The following RSRC1 variants were observed in gnomAD, a reference collection of about 807,000 sequenced individuals.
RSRC1 encodes the protein arginine and serine rich coiled-coil 1, also known as serine/Arginine-related protein 53.
Under a neutral mutation model 49.1 loss-of-function variants are expected in RSRC1, and 39 were observed. The ratio of observed to expected loss-of-function variants is 0.79; its 90% confidence interval spans 0.61 to 1.04. The LOEUF is 1.04. Ranked by LOEUF, RSRC1 falls within the 50% of genes least tolerant of loss-of-function variation. The probability of loss-of-function intolerance (pLI) is 0.00; values close to 1 mark genes in which losing one functional copy is unlikely to be tolerated. For synonymous variants in RSRC1, 143 were observed against 130.8 expected (o/e 1.09, Z -0.63); for missense variants, 388 against 402.4 (o/e 0.96, Z 0.31).
intron 3 of RSRC1, among the ~76,000 whole-genome samples, chr3:158,164,032 AGT>A (rs988613144): frequency 3.9e-5 from 6 of 152,216 alleles, no homozygotes; most frequent in Non-Finnish European, 8.8e-5. Flanking sequence ...CACAAGCCAC[AGT>A]GTTTTCTGTA....
chr3:158,321,888 A>G (rs777026026), intron 5 of RSRC1, among the ~76,000 whole-genome samples: 7 of 152,224 alleles, frequency 4.6e-5, no homozygotes, highest in Non-Finnish European at 1.0e-4. Context: ...ACATTTATAT[A>G]TATTATAAAC....
chr3:158,228,154 A>G (rs1211855876), intron 4 of RSRC1, among the ~76,000 whole-genome samples: 1 of 152,070 alleles, frequency 6.6e-6, no homozygotes, highest in Admixed American at 6.6e-5. Context: ...TTTAGTGGAT[A>G]AGAAAATTTA....
chr3:158,409,641 A>G (rs981480182), intron 6 of RSRC1, among the ~76,000 whole-genome samples: 1 of 152,156 alleles, frequency 6.6e-6, no homozygotes, highest in Non-Finnish European at 1.5e-5. Context: ...TGACTGGCAC[A>G]TGGTAGGTGC....
chr3:158,274,970 C>A (rs1487582522), intron 4 of RSRC1, among the ~76,000 whole-genome samples: 1 of 152,110 alleles, frequency 6.6e-6, no homozygotes, highest in African/African-American at 2.4e-5. Flanking sequence ...CTCCCCACCC[C>A]CCAGCAATGT....
At chr3:158,418,640 A>T (rs564099049) in intron 6 of RSRC1, among the ~76,000 whole-genome samples, 2 of 152,104 alleles carry the variant, frequency 1.3e-5, no homozygotes, top group African/African-American at 4.8e-5. Context: ...TAGGCCAAGA[A>T]GGGATATACC....
At chr3:158,536,165 C>T (rs1051171869) in intron 7 of RSRC1, among the ~76,000 whole-genome samples, 17 of 151,446 alleles carry the variant, frequency 1.1e-4, no homozygotes, top group South Asian at 2.1e-4. Context: ...AATGACACAG[C>T]GTCACCTATG....
At chr3:158,402,223 T>G (rs1300003146) in intron 6 of RSRC1, among the ~76,000 whole-genome samples, 1 of 151,926 alleles carries the variant, frequency 6.6e-6, no homozygotes, top group East Asian at 1.9e-4. Context: ...CAATTTCTTC[T>G]GTAGTCAGAA....
chr3:158,433,030 T>C (rs1416107276), intron 6 of RSRC1, among the ~76,000 whole-genome samples: 1 of 151,914 alleles, frequency 6.6e-6, no homozygotes, highest in South Asian at 2.1e-4. Context: ...TTTTTCCTTA[T>C]AAGTTATATT....
intron 6 of RSRC1, among the ~76,000 whole-genome samples, chr3:158,378,531 C>T (rs1732508443): frequency 6.6e-6 from 1 of 152,218 alleles, no homozygotes; most frequent in East Asian, 1.9e-4. Context: ...TGGATAGACC[C>T]AAATTGTAAC....
intron 6 of RSRC1, among the ~76,000 whole-genome samples, chr3:158,394,404 C>T (rs1304368424): frequency 6.6e-6 from 1 of 152,034 alleles, no homozygotes; most frequent in East Asian, 1.9e-4. Context: ...TAGAAAATCC[C>T]ATAGTCTTAG....
In RSRC1 at chr3:158,151,400, G is replaced by T. The variant is rs193139254; in HGVS notation, c.320+27409G>T. 7.2e-4 allele frequency among the ~76,000 whole-genome samples: 110 copies of T among 152,294 alleles called. 1 individual carries two copies. Among genetic ancestry groups the T allele is most frequent in the Non-Finnish European group, 3.1e-4 (21 of 68,030 alleles). The stretch of plus-strand genomic sequence containing the variant: ...GATTAGGATGTTTCTTTCTTTTGGG[G>T]ATATGGAGGGCACCTCTTCAGTGAG... On this transcript the variant is annotated intron_variant, in intron 3 of 9. Coordinates refer to ENST00000611884, the MANE Select transcript of RSRC1 (RefSeq NM_001271838.2).
chr3:158,387,486 A>C (rs1466680559), intron 6 of RSRC1, among the ~76,000 whole-genome samples: 4 of 152,152 alleles, frequency 2.6e-5, no homozygotes, highest in African/African-American at 9.6e-5. Flanking sequence ...TAAATAAAAA[A>C]ATTAAGTCAA....
In RSRC1 at chr3:158,236,446, T is replaced by C. The variant is rs1723253371; in HGVS notation, c.494+33201T>C. ...CCACACCTTATCTCTTTTAAAAGTTTGTTTGTGCTTTTCTTTGCAGTCAGT... is the reference window on the plus strand; with the variant it reads ...CCACACCTTATCTCTTTTAAAAGTTCGTTTGTGCTTTTCTTTGCAGTCAGT... On this transcript the variant is annotated intron_variant, in intron 4 of 9. Transcript: ENST00000611884. Among the ~76,000 whole-genome samples the C allele has an allele frequency of 1.3e-5, 2 of 152,202 alleles. 1 individual carries two copies. Among genetic ancestry groups the C allele is most frequent in the South Asian group, 4.1e-4 (2 of 4,834 alleles).
At chr3:158,266,819 C>T (rs1300394222) in intron 4 of RSRC1, among the ~76,000 whole-genome samples, 1 of 152,024 alleles carries the variant, frequency 6.6e-6, no homozygotes, top group African/African-American at 2.4e-5. Context: ...ATGATCTCGG[C>T]TCCTCCAAGA....
chr3:158,272,086 A>G (rs1725550134), intron 4 of RSRC1, among the ~76,000 whole-genome samples: 2 of 152,158 alleles, frequency 1.3e-5, no homozygotes, highest in Non-Finnish European at 2.9e-5. Context: ...GAGGAAGTGA[A>G]TGGACACTGA....
intron 4 of RSRC1, among the ~76,000 whole-genome samples, chr3:158,288,504 G>T (rs1726710902): frequency 6.6e-6 from 1 of 152,174 alleles, no homozygotes; most frequent in Non-Finnish European, 1.5e-5. Flanking sequence ...ATGAATGTTT[G>T]TCCTGCGTGT....
chr3:158,235,412 C>G (rs964757258), intron 4 of RSRC1, among the ~76,000 whole-genome samples: 2 of 152,070 alleles, frequency 1.3e-5, no homozygotes, highest in Non-Finnish European at 2.9e-5. Context: ...TTCACTGAAT[C>G]TAAGATGTGG....
chr3:158,420,195 C>T (rs569580286), intron 6 of RSRC1, among the ~76,000 whole-genome samples: 2 of 152,066 alleles, frequency 1.3e-5, no homozygotes, highest in East Asian at 1.9e-4. Flanking sequence ...CTCCCATTTA[C>T]CAAGCATTGT....
At chr3:158,392,629 C>T (rs1457500052) in intron 6 of RSRC1, among the ~76,000 whole-genome samples, 1 of 152,006 alleles carries the variant, frequency 6.6e-6, no homozygotes. Flanking sequence ...ACAAGAAGAC[C>T]TATCCTAAAT....
Sources: gnomAD v4.1 joint callset for allele counts (sites outside exome capture counted in the v4.1 genomes callset) on GRCh38, gnomAD v4.1.1 for gene constraint, MANE v1.5 for transcripts, NCBI Gene and HGNC (gene_info 2026-07-23, HGNC 2026-07-21) for gene names.